The following VPS13B variants were observed in gnomAD, a reference collection of about 807,000 sequenced individuals.
The protein encoded by VPS13B is vacuolar protein sorting 13 homolog B, also known as intermembrane lipid transfer protein VPS13B.
Under a neutral mutation model 426.4 loss-of-function variants are expected in VPS13B, and 285 were observed. The observed-to-expected ratio is 0.67, with a 90% confidence interval of 0.61 to 0.74. VPS13B has a LOEUF of 0.74. Ranked by LOEUF, VPS13B falls within the 30% of genes least tolerant of loss-of-function variation. The pLI is 0.00. For missense variants in VPS13B, 4,537 were observed against 4,782.6 expected (o/e 0.95, Z 1.51); for synonymous variants, 1,676 against 1,676.4 (o/e 1.00, Z 0.01).
chr8:99,678,080 C>T (rs1049380429), intron 35 of VPS13B, among the ~76,000 whole-genome samples: 2 of 152,168 alleles, frequency 1.3e-5, no homozygotes, highest in Admixed American at 6.5e-5. Context: ...ATTAGGTATA[C>T]TTTGTTATTT....
intron 16 of VPS13B, among the ~76,000 whole-genome samples, chr8:99,185,906 A>G (rs1813196406): frequency 6.6e-6 from 1 of 152,128 alleles, no homozygotes; most frequent in South Asian, 2.1e-4. Context: ...AGTCTTTCAA[A>G]GTATTTGTTA....
intron 19 of VPS13B, among the ~76,000 whole-genome samples, chr8:99,359,895 TG>T (rs1812403512): frequency 6.6e-6 from 1 of 152,112 alleles, no homozygotes; most frequent in African/African-American, 2.4e-5. Flanking sequence ...CTCTGCCTCC[TG>T]GGTTCAAATA....
intron 39 of VPS13B, among the ~76,000 whole-genome samples, chr8:99,724,244 A>G (rs1436058317): frequency 2.6e-5 from 4 of 152,228 alleles, no homozygotes; most frequent in Non-Finnish European, 5.9e-5. Context: ...CAGATAAGAC[A>G]CAATCAACTC....
intron 36 of VPS13B, among the ~76,000 whole-genome samples, chr8:99,709,314 T>C (rs1232207381): frequency 6.6e-6 from 1 of 152,208 alleles, no homozygotes; most frequent in Non-Finnish European, 1.5e-5. Context: ...TTAGTCAGCA[T>C]GTAGACACTA....
chr8:99,339,555 G>A (rs1320675131), intron 19 of VPS13B, among the ~76,000 whole-genome samples: 1 of 151,638 alleles, frequency 6.6e-6, no homozygotes. Flanking sequence ...TCCAACACTG[G>A]AGATTACAGT....
At chr8:99,628,260 A>G (rs2133905657) in intron 33 of VPS13B, among the ~76,000 whole-genome samples, 1 of 152,304 alleles carries the variant, frequency 6.6e-6, no homozygotes, top group East Asian at 1.9e-4. Flanking sequence ...TCTTGAATTC[A>G]GTGATTTGCT....
intron 58 of VPS13B, among the ~76,000 whole-genome samples, 199 bp downstream of exon 58, chr8:99,862,145 T>C (rs1318583016): frequency 6.6e-6 from 1 of 152,240 alleles, no homozygotes; most frequent in East Asian, 1.9e-4. Flanking sequence ...CTGTGTTTGC[T>C]TTGTGCATGA....
At chr8:99,766,249 A>G (rs1811219422) in intron 39 of VPS13B, among the ~76,000 whole-genome samples, 1 of 151,250 alleles carries the variant, frequency 6.6e-6, no homozygotes, top group Admixed American at 6.6e-5. Flanking sequence ...CTGGCTAACT[A>G]ATTTTTGTAT....
chr8:99,352,894 T>C (rs1255042726), intron 19 of VPS13B, among the ~76,000 whole-genome samples: 1 of 152,162 alleles, frequency 6.6e-6, no homozygotes, highest in East Asian at 1.9e-4. Context: ...GTAAAAATTG[T>C]ATGCAATAAT....
chr8:99,683,940 A>G (rs2130001903), intron 35 of VPS13B, among the ~76,000 whole-genome samples: 1 of 152,296 alleles, frequency 6.6e-6, no homozygotes, highest in East Asian at 1.9e-4. Context: ...GAAAGCATTC[A>G]TTTCTTCATA....
At chr8:99,234,113 G>C in intron 17 of VPS13B, 1 of 784,238 alleles carries the variant, frequency 1.3e-6, no homozygotes, top group Non-Finnish European at 2.4e-6. Context: ...GCTCCCGGAA[G>C]AGTGGTCCCC....
At chr8:99,195,424 G>T (rs1478670463) in intron 17 of VPS13B, among the ~76,000 whole-genome samples, 1 of 152,134 alleles carries the variant, frequency 6.6e-6, no homozygotes, top group Non-Finnish European at 1.5e-5. Flanking sequence ...TTTTAAAATT[G>T]AGTTATTTGT....
chr8:99,432,834 A>G (rs1817185231), intron 22 of VPS13B, among the ~76,000 whole-genome samples: 1 of 152,170 alleles, frequency 6.6e-6, no homozygotes, highest in Non-Finnish European at 1.5e-5. Context: ...GAAAATATAG[A>G]GTGATAAAGT....
chr8:99,356,293 A>T (rs1812178132), intron 19 of VPS13B, among the ~76,000 whole-genome samples: 3 of 152,152 alleles, frequency 2.0e-5, no homozygotes, highest in Admixed American at 2.0e-4. Context: ...TTCATAAAGC[A>T]CTAAATAAAT....
chr8:99,756,547 C>T (rs1411363409), intron 39 of VPS13B, among the ~76,000 whole-genome samples: 1 of 152,118 alleles, frequency 6.6e-6, no homozygotes, highest in African/African-American at 2.4e-5. Flanking sequence ...CACACTTAGA[C>T]ACAAACTGTC....
intron 3 of VPS13B, among the ~76,000 whole-genome samples, chr8:99,065,940 A>G (rs1041594671): frequency 1.3e-5 from 2 of 152,226 alleles, no homozygotes; most frequent in Non-Finnish European, 2.9e-5. Flanking sequence ...AATCCAACTT[A>G]CAAGGGATGT....
At position 99,548,604 on chromosome 8, in the gene VPS13B, A is replaced by T. The variant is rs1321549098; in HGVS notation, c.4746-7846A>T. Among the ~76,000 whole-genome samples the T allele has an allele frequency of 1.3e-5, 2 of 152,130 alleles. 1 individual carries two copies. The highest frequency in any genetic ancestry group is 4.1e-4 in the South Asian group (2 of 4,824). On this transcript the variant is annotated intron_variant, in intron 30 of 61. Coordinates refer to ENST00000357162, the MANE Select transcript of VPS13B (RefSeq NM_152564.5). ...ATTTTGAATATGTTTTCTTAATTTC[A>T]TATTGAAAAAGCAAAAATGCTTTTA...
At chr8:99,545,557 T>C (rs1004194259) in intron 30 of VPS13B, among the ~76,000 whole-genome samples, 1 of 152,154 alleles carries the variant, frequency 6.6e-6, no homozygotes, top group Non-Finnish European at 1.5e-5. Context: ...CTCTGGGTTA[T>C]GTATCTAGGA....
chr8:99,254,805 G>A (rs1817666250), intron 17 of VPS13B, among the ~76,000 whole-genome samples: 1 of 151,862 alleles, frequency 6.6e-6, no homozygotes, highest in African/African-American at 2.4e-5. Flanking sequence ...ACCATGCCTA[G>A]CTGATTTTTG....
Sources: gnomAD v4.1 joint callset for allele counts (sites outside exome capture counted in the v4.1 genomes callset) on GRCh38, gnomAD v4.1.1 for gene constraint, MANE v1.5 for transcripts, NCBI Gene and HGNC (gene_info 2026-07-23, HGNC 2026-07-21) for gene names.